Variants in JAM3 observed in about 807,000 individuals in gnomAD.
JAM3 encodes junctional adhesion molecule 3.
JAM3 carries 31 observed loss-of-function variants against 39.4 expected under a neutral mutation model. The ratio of observed to expected loss-of-function variants is 0.79; its 90% CI spans 0.59 to 1.06. The LOEUF is 1.06. Among genes scored for constraint, JAM3 ranks in the 50% least tolerant of loss-of-function variants. The pLI is 0.00. For synonymous variants in JAM3, 182 were observed against 148.7 expected (o/e 1.22, Z -1.63); for missense variants, 455 against 391.4 (o/e 1.16, Z -1.37).
At position 134,069,105 on chromosome 11, in the gene JAM3, C is replaced by A; in HGVS notation, c.22C>A (p.Arg8=). MALRRPP[R]LRLCARLPDF... is the part of the protein sequence containing the mutation. Reference sequence around the variant, plus strand: ...CGACATGGCGCTGAGGCGGCCACCGCGACTCCGGCTCTGCGCTCGGCTGCC... The same window carrying A: ...CGACATGGCGCTGAGGCGGCCACCGAGACTCCGGCTCTGCGCTCGGCTGCC... Residue 8 remains arginine (R), a synonymous_variant, in exon 1 of 9, where the codon CGA becomes AGA. Coordinates refer to ENST00000299106, the MANE Select transcript of JAM3 (RefSeq NM_032801.5). 1 of 1,612,106 alleles carries A rather than the reference C, an allele frequency of 6.2e-7. No individual in the cohort carries two copies. The highest frequency in any genetic ancestry group is 8.5e-7 in the Non-Finnish European group (1 of 1,179,226).
intron 1 of JAM3, among the ~76,000 whole-genome samples, chr11:134,124,790 C>T (rs933292136): frequency 7.2e-5 from 11 of 152,166 alleles, no homozygotes; most frequent in Admixed American, 1.3e-4. Flanking sequence ...TTAATTATGG[C>T]ACATAGAACC....
At chr11:134,107,319 C>A (rs1942211558) in intron 1 of JAM3, among the ~76,000 whole-genome samples, 1 of 151,954 alleles carries the variant, frequency 6.6e-6, no homozygotes, top group African/African-American at 2.4e-5. Flanking sequence ...ACATCACACA[C>A]CAGGACCTGT....
chr11:134,090,918 A>G (rs1941836121), intron 1 of JAM3, among the ~76,000 whole-genome samples: 1 of 152,228 alleles, frequency 6.6e-6, no homozygotes, highest in Non-Finnish European at 1.5e-5. Flanking sequence ...GCAAATGAAG[A>G]CAGACATTTA....
chr11:134,127,993 G>C (rs775344668), intron 1 of JAM3, among the ~76,000 whole-genome samples: 2 of 151,934 alleles, frequency 1.3e-5, no homozygotes, highest in African/African-American at 4.8e-5. Flanking sequence ...AGCACATATT[G>C]ACCCCCACTA....
chr11:134,135,076 G>A (rs1045157537), intron 1 of JAM3, among the ~76,000 whole-genome samples: 2 of 152,128 alleles, frequency 1.3e-5, no homozygotes, highest in African/African-American at 4.8e-5. Context: ...GCCTAACCCA[G>A]TGTCATGAAG....
At chr11:134,141,486 G>A (rs1224940168) in intron 3 of JAM3, among the ~76,000 whole-genome samples, 3 of 152,024 alleles carry the variant, frequency 2.0e-5, no homozygotes, top group Non-Finnish European at 2.9e-5. Flanking sequence ...AGGTTGCCTG[G>A]CCAGGCAGAC....
At chr11:134,077,998 C>G (rs1177996385) in intron 1 of JAM3, among the ~76,000 whole-genome samples, 1 of 152,080 alleles carries the variant, frequency 6.6e-6, no homozygotes, top group Non-Finnish European at 1.5e-5. Flanking sequence ...AGTGACAGTG[C>G]CTGTCTCTGG....
intron 1 of JAM3, among the ~76,000 whole-genome samples, chr11:134,110,065 TA>T (rs1322452735): frequency 6.6e-6 from 1 of 152,218 alleles, no homozygotes; most frequent in Non-Finnish European, 1.5e-5. Context: ...ATGCTTAACC[TA>T]ATTTGCATCA....
In JAM3 at chr11:134,135,200, T is replaced by G; in HGVS notation, c.77-4651T>G. Among the ~76,000 whole-genome samples the G allele has an allele frequency of 1.3e-5, 2 of 152,220 alleles. 1 individual carries two copies. Among genetic ancestry groups the G allele is most frequent in the Non-Finnish European group, 2.9e-5 (2 of 68,022 alleles). On this transcript the variant is annotated intron_variant, in intron 1 of 8. Coordinates refer to ENST00000299106, the MANE Select transcript of JAM3 (RefSeq NM_032801.5). ...TTTAAGCTAATTTCTGTATTTGACT[T>G]AATATAAGGGTCTAACTTCATCATT...
intron 1 of JAM3, chr11:134,139,649 C>A: frequency 1.7e-6 from 1 of 604,710 alleles, no homozygotes; most frequent in Non-Finnish European, 3.0e-6. Flanking sequence ...TTCTCTTTCC[C>A]TTGGCTCCTT....
At chr11:134,117,606 T>C (rs1393619093) in intron 1 of JAM3, among the ~76,000 whole-genome samples, 1 of 152,222 alleles carries the variant, frequency 6.6e-6, no homozygotes, top group African/African-American at 2.4e-5. Flanking sequence ...AGCATATTTA[T>C]TTTTCCTTTA....
chr11:134,079,072 G>GC (rs553397811), intron 1 of JAM3, among the ~76,000 whole-genome samples: 121 of 152,100 alleles, frequency 8.0e-4, no homozygotes, highest in African/African-American at 2.9e-3. Context: ...TTAAATATTT[G>GC]CTTTTTTTTT....
intron 1 of JAM3, among the ~76,000 whole-genome samples, chr11:134,106,649 A>C (rs1942194888): frequency 6.6e-6 from 1 of 152,232 alleles, no homozygotes. Flanking sequence ...CAAGAAAAAA[A>C]CCTCATCAAC....
Position 134,098,142 on chromosome 11 carries a change from C to A in JAM3, c.76+28983C>A, listed in dbSNP as rs530906685. On this transcript the variant is annotated intron_variant, in intron 1 of 8. Coordinates refer to ENST00000299106, the MANE Select transcript of JAM3 (RefSeq NM_032801.5). The stretch of plus-strand genomic sequence containing the variant: ...CCAGGGCATCGTGCTAAAGTGTCAC[C>A]CAAGCTCTGCTCTCCAGGGGAAGAA... Among the ~76,000 whole-genome samples the A allele has an allele frequency of 4.6e-5, 7 of 152,170 alleles. No individual in the cohort carries two copies. In the East Asian group the frequency reaches 1.4e-3, roughly 29 times the overall value.
At chr11:134,103,923 A>G (rs569341825) in intron 1 of JAM3, among the ~76,000 whole-genome samples, 29 of 152,260 alleles carry the variant, frequency 1.9e-4, no homozygotes, top group African/African-American at 6.5e-4. Context: ...AGACTTTAAC[A>G]CCCCACTGTC....
At chr11:134,117,860 C>T (rs570502169) in intron 1 of JAM3, among the ~76,000 whole-genome samples, 31 of 152,304 alleles carry the variant, frequency 2.0e-4, no homozygotes, top group African/African-American at 6.7e-4. Context: ...ACAGTGAAGG[C>T]TAGTTCCATG....
chr11:134,120,923 ATTTTATAGCCAGTAACTC>A (rs1342443282), intron 1 of JAM3, among the ~76,000 whole-genome samples: 1 of 152,216 alleles, frequency 6.6e-6, no homozygotes, highest in Non-Finnish European at 1.5e-5. Flanking sequence ...CTGTAGAAGC[ATTTTATAGCCAGTAACTC>A]TTCAGAATAG....
chr11:134,124,425 G>T (rs866505186), intron 1 of JAM3: 23 of 560,282 alleles, frequency 4.1e-5, no homozygotes, highest in Middle Eastern at 4.8e-4. Context: ...ACATTAAAAA[G>T]ACCACTAAAA....
chr11:134,092,220 C>T (rs367664519), intron 1 of JAM3, among the ~76,000 whole-genome samples: 9 of 152,282 alleles, frequency 5.9e-5, no homozygotes, highest in African/African-American at 1.9e-4. Context: ...AGAGCTGTTG[C>T]GTGTGCTGCC....
Sources: gnomAD v4.1 joint callset for allele counts (sites outside exome capture counted in the v4.1 genomes callset) on GRCh38, gnomAD v4.1.1 for gene constraint, MANE v1.5 for transcripts, NCBI Gene and HGNC (gene_info 2026-07-23, HGNC 2026-07-21) for gene names.